Variants in PUM3 observed in about 807,000 individuals in gnomAD.
PUM3 encodes pumilio RNA binding family member 3, also known as pumilio homolog 3.
A neutral mutation model predicts 84.0 loss-of-function variants in PUM3; 91 were observed. The observed-to-expected ratio is 1.08, with a 90% CI of 0.91 to 1.29. The LOEUF (loss-of-function observed/expected upper bound fraction) is 1.29, where lower values mean the gene tolerates loss of function less well. Among genes scored for constraint, PUM3 ranks in the 50% most tolerant of loss-of-function variants. The pLI, the probability that PUM3 is intolerant of heterozygous loss-of-function variation, is 0.00. For synonymous variants in PUM3, 321 were observed against 266.7 expected (o/e 1.20, Z -1.98); for missense variants, 1,067 against 767.5 (o/e 1.39, Z -4.61).
At position 2,827,064 on chromosome 9, in the gene PUM3, A is replaced by G; in HGVS notation, c.1035+9T>C. ...TGTTTTAGTTTAAAAACAAAAACCA[A>G]GAACTTACTGATCTGAGTTTGGGGG... On this transcript the variant is annotated intron_variant, in intron 10 of 17. Transcript: ENST00000397885. The G allele has an allele frequency of 6.2e-7, 1 of 1,604,670 alleles. No individual in the cohort carries two copies. The highest frequency in any genetic ancestry group is 1.3e-5 in the African/African-American group (1 of 74,582).
In PUM3 at chr9:2,819,126, G is replaced by C. The variant is rs148007755; in HGVS notation, c.1269+892C>G. ...TATGTGGTTTTCCAGACGTTTCCAAGTTTGGTCACTACTATCAAACTAGTA... is the reference window on the plus strand; with the variant it reads ...TATGTGGTTTTCCAGACGTTTCCAACTTTGGTCACTACTATCAAACTAGTA... On this transcript the variant is annotated intron_variant, in intron 13 of 17. Transcript: ENST00000397885. Among the ~76,000 whole-genome samples, 831 of 152,308 alleles carry C rather than the reference G, an allele frequency of 5.5e-3. 28 individuals carry two copies. The highest frequency in any genetic ancestry group is 0.05 in the Admixed American group (769 of 15,298).
intron 5 of PUM3, among the ~76,000 whole-genome samples, chr9:2,832,431 T>C (rs978665322): frequency 7.9e-5 from 12 of 152,166 alleles, no homozygotes; most frequent in Admixed American, 3.3e-4. Flanking sequence ...TGACATACAG[T>C]AAACGACACA....
At chr9:2,830,735 A>G (rs1815953350) in intron 7 of PUM3, among the ~76,000 whole-genome samples, 1 of 152,172 alleles carries the variant, frequency 6.6e-6, no homozygotes, top group Admixed American at 6.5e-5. Context: ...GATTTGCAGG[A>G]CATTTCTCAT....
rs760052993 is a variant in PUM3 at position 2,812,275 on chromosome 9, G to C, written c.1357C>G (p.His453Asp). The change falls in exon 14 of 18, where the codon CAT (histidine) becomes GAT (aspartate). Residue 453 changes from histidine (H) to aspartate (D), a missense_variant. Physicochemically the swap from His to Asp is moderately conservative, Grantham distance 81 (BLOSUM62 -1). Coordinates refer to ENST00000397885, the MANE Select transcript of PUM3 (RefSeq NM_014878.5). ...LYLLSPRDPA[H>D]TVREIIEVLQ... ...ACTTCAATGATTTCTCGTACTGTATGTGCAGGATCTCTGGGGCTTAGTAAG... is the reference window on the plus strand; with the variant it reads ...ACTTCAATGATTTCTCGTACTGTATCTGCAGGATCTCTGGGGCTTAGTAAG... 7 of 1,612,870 alleles carry C rather than the reference G, an allele frequency of 4.3e-6. No individual in the cohort carries two copies. Among genetic ancestry groups the C allele is most frequent in the Middle Eastern group, 3.3e-4 (2 of 6,058 alleles).
rs1225410222 is a variant in PUM3, at chr9:2,833,610, C to T, written c.441-178G>A. ...AGCAGCCAGACAAAAGTAATTTTCT[C>T]AAAGGCAGAAACTCATCTCAAAAGG... On this transcript the variant is annotated intron_variant, in intron 4 of 17. Coordinates refer to ENST00000397885, the MANE Select transcript of PUM3 (RefSeq NM_014878.5). Among the ~76,000 whole-genome samples, 1 of 152,098 alleles carries T rather than the reference C, an allele frequency of 6.6e-6. No homozygotes were observed. Among genetic ancestry groups the T allele is most frequent in the Non-Finnish European group, 1.5e-5 (1 of 68,024 alleles).
At chr9:2,843,034 A>C (rs1816309571) in intron 1 of PUM3, among the ~76,000 whole-genome samples, 2 of 152,144 alleles carry the variant, frequency 1.3e-5, no homozygotes, top group Non-Finnish European at 2.9e-5. Context: ...TTACCAATAC[A>C]ATCTCTTGAG....
chr9:2,824,257 A>T (rs1475942101), intron 11 of PUM3, among the ~76,000 whole-genome samples: 2 of 152,198 alleles, frequency 1.3e-5, no homozygotes, highest in Non-Finnish European at 2.9e-5. Context: ...AATTATGCTG[A>T]CCAAGGAAAT....
At chr9:2,823,962 A>C in intron 11 of PUM3, 128 bp from the exon 12 acceptor site, 1 of 522,204 alleles carries the variant, frequency 1.9e-6, no homozygotes, top group Non-Finnish European at 3.4e-6. Flanking sequence ...AGTAAAAATA[A>C]TAGTTATACA....
intron 13 of PUM3, among the ~76,000 whole-genome samples, chr9:2,813,474 T>C (rs1176291471): frequency 1.3e-5 from 2 of 152,190 alleles, no homozygotes; most frequent in Non-Finnish European, 2.9e-5. Flanking sequence ...GGTTTACAGA[T>C]GAGGCATCCA....
At chr9:2,813,682 A>T (rs1249405801) in intron 13 of PUM3, among the ~76,000 whole-genome samples, 2 of 152,208 alleles carry the variant, frequency 1.3e-5, no homozygotes, top group Non-Finnish European at 2.9e-5. Flanking sequence ...GTGAGGAACC[A>T]AGCTCAAAAT....
At chr9:2,833,513 T>G (rs910269763) in intron 4 of PUM3, 81 bp from the exon 5 acceptor site, 6 of 695,700 alleles carry the variant, frequency 8.6e-6, no homozygotes, top group Non-Finnish European at 1.4e-5. Flanking sequence ...TGTACCAGTA[T>G]ATGTTCTCCA....
At position 2,820,250 on chromosome 9, in the gene PUM3, T is replaced by C. The variant is rs924876766; in HGVS notation, c.1189-152A>G. ...ACCTACATTGACAACTTGTCTAACA[T>C]AACAAGATGAATAAAAGCCATTTTA... On this transcript the variant is annotated intron_variant, in intron 12 of 17. Transcript: ENST00000397885. 9 of 510,104 alleles carry C rather than the reference T, an allele frequency of 1.8e-5. No homozygotes were observed. In the South Asian group the frequency reaches 1.8e-4, roughly 10 times the overall value. The allele number at this position is 510,104 out of a possible 1,614,324, so 31.6% of individuals were successfully genotyped here.
At position 2,812,352 on chromosome 9, in the gene PUM3, C is replaced by G. The variant is rs1821392354; in HGVS notation, c.1280G>C (p.Ser427Thr). Residue 427 changes from serine to threonine, a missense_variant, in exon 14 of 18, where the codon AGT becomes ACT. Transcript: ENST00000397885. ...VKQIIISEII[S>T]SLPSIVNDKY... is the part of the protein sequence containing the mutation. ...GTCATTTACTATGCTAGGCAATGAACTGATAATTTCCTATAAAATTATAAA... is the reference window on the plus strand; with the variant it reads ...GTCATTTACTATGCTAGGCAATGAAGTGATAATTTCCTATAAAATTATAAA... 1 of 1,565,392 alleles carries G rather than the reference C, an allele frequency of 6.4e-7. No homozygotes were observed. Among genetic ancestry groups the G allele is most frequent in the African/African-American group, 1.4e-5 (1 of 73,140 alleles).
intron 12 of PUM3, among the ~76,000 whole-genome samples, chr9:2,822,811 T>C (rs575525018): frequency 6.3e-4 from 95 of 150,062 alleles, no homozygotes; most frequent in African/African-American, 2.1e-3. Context: ...AATATTGAAT[T>C]ATGAATTATA....
At chr9:2,808,990 A>T (rs149297571) in intron 16 of PUM3, among the ~76,000 whole-genome samples, 8 of 152,336 alleles carry the variant, frequency 5.3e-5, no homozygotes, top group African/African-American at 1.7e-4. Context: ...CAAGCAGCCT[A>T]GAAAGGGAAA....
chr9:2,807,338 G>A (rs1821278673), intron 17 of PUM3, among the ~76,000 whole-genome samples: 1 of 152,128 alleles, frequency 6.6e-6, no homozygotes, highest in African/African-American at 2.4e-5. Flanking sequence ...GGCTATGCCT[G>A]TAATCCCAGC....
At chr9:2,833,126 G>T (rs1439258789) in intron 5 of PUM3, among the ~76,000 whole-genome samples, 2 of 152,086 alleles carry the variant, frequency 1.3e-5, no homozygotes, top group Non-Finnish European at 1.5e-5. Context: ...CTTATTTTAA[G>T]AATTATTAAA....
chr9:2,806,939 T>C (rs185450236), intron 17 of PUM3, among the ~76,000 whole-genome samples: 4 of 152,218 alleles, frequency 2.6e-5, no homozygotes, highest in Admixed American at 2.6e-4. Flanking sequence ...CTGGGCACAG[T>C]GGCTCATGCC....
At chr9:2,827,658 G>A (rs183602574) in intron 9 of PUM3, among the ~76,000 whole-genome samples, 2 of 152,194 alleles carry the variant, frequency 1.3e-5, no homozygotes, top group African/African-American at 2.4e-5. Flanking sequence ...ACACTTGGTG[G>A]ATCCAGGTGT....
Sources: gnomAD v4.1 joint callset for allele counts (sites outside exome capture counted in the v4.1 genomes callset) on GRCh38, gnomAD v4.1.1 for gene constraint, MANE v1.5 for transcripts, NCBI Gene and HGNC (gene_info 2026-07-23, HGNC 2026-07-21) for gene names.